Variants in MBD5 observed in about 807,000 individuals in gnomAD.
MBD5 encodes methyl-CpG-binding domain protein 5.
A neutral mutation model predicts 117.3 loss-of-function variants in MBD5; 13 were observed. That is an observed-to-expected ratio of 0.11 (90% confidence interval 0.07 to 0.18). The LOEUF (loss-of-function observed/expected upper bound fraction) is 0.18. MBD5 is among the 10% of genes least tolerant of loss of function. The probability of loss-of-function intolerance (pLI) is 1.00; values close to 1 mark genes in which losing one functional copy is unlikely to be tolerated. For synonymous variants in MBD5, 727 were observed against 766.4 expected, an observed-to-expected ratio of 0.95 and a Z score of 0.85; for missense variants, 1,879 against 2,093.8, an observed-to-expected ratio of 0.90 and a Z score of 2.00.
chr2:148,046,747 G>C (rs757034420), intron 1 of MBD5, among the ~76,000 whole-genome samples: 2 of 152,046 alleles, frequency 1.3e-5, no homozygotes, highest in African/African-American at 4.8e-5. Flanking sequence ...TAATTAATCT[G>C]CCTCTGACTT....
intron 2 of MBD5, among the ~76,000 whole-genome samples, chr2:148,190,882 C>T (rs1367246312): frequency 3.0e-5 from 3 of 100,936 alleles, no homozygotes; most frequent in East Asian, 6.5e-4. Context: ...CAGAGACACA[C>T]ATAGGCTCAA....
At chr2:148,411,311 C>T (rs1020858826) in intron 4 of MBD5, among the ~76,000 whole-genome samples, 4 of 152,100 alleles carry the variant, frequency 2.6e-5, no homozygotes, top group South Asian at 2.1e-4. Context: ...TGGGCATATG[C>T]GTCCGTGTGT....
intron 10 of MBD5, among the ~76,000 whole-genome samples, chr2:148,488,527 G>A (rs768242550): frequency 5.2e-4 from 79 of 152,000 alleles, no homozygotes; most frequent in Non-Finnish European, 1.1e-3. Context: ...AGAGGCTGAT[G>A]TGTCGACAGA....
chr2:148,269,668 G>GTTTTTTTTTTTTT, intron 3 of MBD5, among the ~76,000 whole-genome samples: 1 of 125,854 alleles, frequency 7.9e-6, no homozygotes, highest in Non-Finnish European at 1.7e-5. Flanking sequence ...AGTTTTTTTA[G>GTTTTTTTTTTTTT]TTTTTTTTTT....
At chr2:148,261,819 T>C (rs1378197868) in intron 3 of MBD5, among the ~76,000 whole-genome samples, 1 of 152,242 alleles carries the variant, frequency 6.6e-6, no homozygotes, top group Non-Finnish European at 1.5e-5. Context: ...AGCTTTTGAT[T>C]TGAATTGAGA....
chr2:148,268,210 CA>C (rs1700903885), intron 3 of MBD5, among the ~76,000 whole-genome samples: 1 of 152,086 alleles, frequency 6.6e-6, no homozygotes, highest in Admixed American at 6.6e-5. Flanking sequence ...CTTGGCCTTC[CA>C]AAGTGCTGGA....
At chr2:148,287,859 C>T (rs1701400003) in intron 3 of MBD5, among the ~76,000 whole-genome samples, 1 of 152,236 alleles carries the variant, frequency 6.6e-6, no homozygotes. Flanking sequence ...ACCTAATCCC[C>T]TCTTGAAACT....
At chr2:148,350,687 G>T (rs761416771) in intron 4 of MBD5, among the ~76,000 whole-genome samples, 1 of 151,938 alleles carries the variant, frequency 6.6e-6, no homozygotes, top group Non-Finnish European at 1.5e-5. Flanking sequence ...TCTTGCATGG[G>T]ATGTAAAATA....
At chr2:148,376,502 T>C (rs1703992329) in intron 4 of MBD5, among the ~76,000 whole-genome samples, 1 of 150,486 alleles carries the variant, frequency 6.6e-6, no homozygotes, top group Admixed American at 6.7e-5. Context: ...CTCCTGACCT[T>C]GTGATCCACC....
At chr2:148,284,648 T>G (rs1026936998) in intron 3 of MBD5, among the ~76,000 whole-genome samples, 1 of 152,208 alleles carries the variant, frequency 6.6e-6, no homozygotes, top group African/African-American at 2.4e-5. Context: ...TTGTCTGTAC[T>G]GCCACCTTTA....
At chr2:148,100,579 T>G (rs1439300708) in intron 1 of MBD5, among the ~76,000 whole-genome samples, 1 of 152,154 alleles carries the variant, frequency 6.6e-6, no homozygotes, top group Non-Finnish European at 1.5e-5. Context: ...AGGGCTGAAA[T>G]AATCTGCAAC....
At chr2:148,085,144 T>A (rs1206558995) in intron 1 of MBD5, among the ~76,000 whole-genome samples, 1 of 152,128 alleles carries the variant, frequency 6.6e-6, no homozygotes, top group East Asian at 1.9e-4. Context: ...ACAACATTGC[T>A]CAGGTCCAGG....
intron 4 of MBD5, among the ~76,000 whole-genome samples, chr2:148,352,363 A>G (rs1446959565): frequency 6.6e-6 from 1 of 152,034 alleles, no homozygotes; most frequent in East Asian, 1.9e-4. Context: ...ATACAGACAT[A>G]TGGTGTACTC....
intron 3 of MBD5, among the ~76,000 whole-genome samples, chr2:148,237,842 G>A (rs890795202): frequency 4.6e-5 from 7 of 152,116 alleles, no homozygotes; most frequent in Admixed American, 4.6e-4. Flanking sequence ...AACTGATTAA[G>A]GCTGATTTAT....
intron 1 of MBD5, among the ~76,000 whole-genome samples, chr2:148,079,017 C>T (rs1438770996): frequency 1.3e-5 from 2 of 152,322 alleles, no homozygotes; most frequent in Admixed American, 6.5e-5. Context: ...ATATTGTTCA[C>T]TCATCTCCCT....
intron 1 of MBD5, among the ~76,000 whole-genome samples, chr2:148,120,414 TA>T (rs1176810529): frequency 6.6e-6 from 1 of 152,224 alleles, no homozygotes; most frequent in East Asian, 1.9e-4. Context: ...TTAAGTCTTC[TA>T]ATTCAGAAAT....
intron 4 of MBD5, among the ~76,000 whole-genome samples, chr2:148,397,905 T>A (rs950029286): frequency 1.4e-4 from 22 of 152,074 alleles, no homozygotes; most frequent in African/African-American, 4.8e-4. Flanking sequence ...ATGCAGTGTT[T>A]GGTTTTTTGT....
intron 3 of MBD5, among the ~76,000 whole-genome samples, chr2:148,310,480 C>A (rs1702002230): frequency 6.6e-6 from 1 of 152,100 alleles, no homozygotes; most frequent in Admixed American, 6.5e-5. Context: ...TCTGGGGGAT[C>A]AGTGGTAATA....
At chr2:148,414,188 A>C (rs2105207950) in intron 4 of MBD5, among the ~76,000 whole-genome samples, 1 of 152,282 alleles carries the variant, frequency 6.6e-6, no homozygotes, top group East Asian at 1.9e-4. Flanking sequence ...ATTAATTTCA[A>C]AGAGTTTCTG....
Sources: allele counts gnomAD v4.1 joint callset (sites outside exome capture counted in the v4.1 genomes callset), GRCh38; gene constraint gnomAD v4.1.1; transcripts MANE v1.5; gene names NCBI Gene and HGNC (gene_info 2026-07-23, HGNC 2026-07-21).